ULK4: variants seen among roughly 807,000 people sequenced by gnomAD.
ULK4 encodes the protein unc-51 like kinase 4.
Under a neutral mutation model 160.6 loss-of-function variants are expected in ULK4, and 133 were observed. The observed-to-expected ratio is 0.83, with a 90% CI of 0.72 to 0.96. ULK4 has a LOEUF of 0.96. Ranked by LOEUF, ULK4 falls within the 40% of genes least tolerant of loss-of-function variation. The probability of loss-of-function intolerance (pLI) is 0.00; values close to 1 mark genes in which losing one functional copy is unlikely to be tolerated. For synonymous variants in ULK4, 534 were observed against 539.8 expected (o/e 0.99, Z 0.15); for missense variants, 1,580 against 1,499.5 (o/e 1.05, Z -0.89).
intron 18 of ULK4, among the ~76,000 whole-genome samples, chr3:41,828,655 C>G (rs1273911576): frequency 1.3e-5 from 2 of 150,512 alleles, no homozygotes; most frequent in East Asian, 1.9e-4. Flanking sequence ...AGGATACAAA[C>G]AAATGGAAGA....
In ULK4 at chr3:41,881,204, T is replaced by C. The variant is rs527798567; in HGVS notation, c.1656+2670A>G. ...CTTTATTTTTCTGGAGAGACTATAA[T>C]GGTTTTCATTCATCTTATTCATCTC... On this transcript the variant is annotated intron_variant, in intron 17 of 36. Transcript: ENST00000301831. 4.7e-5 allele frequency among the ~76,000 whole-genome samples: 7 copies of C among 150,516 alleles called. 1 individual carries two copies. The South Asian group carries it at 1.5e-3, about 31-fold the overall frequency.
chr3:41,479,282 T>A (rs923464015), intron 32 of ULK4, among the ~76,000 whole-genome samples: 1 of 152,238 alleles, frequency 6.6e-6, no homozygotes, highest in Non-Finnish European at 1.5e-5. Context: ...CATCACTCTT[T>A]CACTCACTGG....
intron 17 of ULK4, among the ~76,000 whole-genome samples, chr3:41,843,832 G>C (rs945487444): frequency 6.6e-6 from 1 of 152,076 alleles, no homozygotes; most frequent in Non-Finnish European, 1.5e-5. Context: ...TGGTAGAGCC[G>C]AGTGGTCTGT....
chr3:41,595,955 T>C (rs1031910192), intron 31 of ULK4, among the ~76,000 whole-genome samples: 4 of 152,264 alleles, frequency 2.6e-5, no homozygotes, highest in South Asian at 2.1e-4. Flanking sequence ...GTATCCCTAG[T>C]ATTTCCTAAC....
chr3:41,311,700 C>G lies in ULK4; in HGVS notation c.3679-62126G>C, dbSNP rs147691557. Reference sequence around the variant, plus strand: ...TCTCCTGCCTCAGCCTCCCAAATAGCTGGGACTACAGGCACGTGCCACTAG... The same window carrying G: ...TCTCCTGCCTCAGCCTCCCAAATAGGTGGGACTACAGGCACGTGCCACTAG... On this transcript the variant is annotated intron_variant, in intron 35 of 36. Transcript: ENST00000301831. Among the ~76,000 whole-genome samples the G allele has an allele frequency of 2.0e-3, 301 of 152,104 alleles. 3 individuals are homozygous for G. The highest frequency in any genetic ancestry group is 3.4e-3 in the Non-Finnish European group (232 of 68,010).
At chr3:41,596,314 A>C (rs2031688747) in intron 31 of ULK4, among the ~76,000 whole-genome samples, 1 of 152,190 alleles carries the variant, frequency 6.6e-6, no homozygotes, top group South Asian at 2.1e-4. Flanking sequence ...CAGTTGGTAT[A>C]ATTGTGTATT....
rs202160177 is a variant in ULK4 at position 41,909,080 on chromosome 3, A to C, written c.1086-1139T>G. On this transcript the variant is annotated intron_variant, in intron 11 of 36. Transcript: ENST00000301831. The stretch of plus-strand genomic sequence containing the variant: ...TGCACTCCAGCCTGGGTGACAAAGC[A>C]ACACTCCATCTCAAAAAAAAAAAAA... Among the ~76,000 whole-genome samples, 3 of 120,550 alleles carry C rather than the reference A, an allele frequency of 2.5e-5. No homozygotes were observed. In the East Asian group the frequency reaches 7.9e-4, roughly 32 times the overall value. 79.1% of individuals were successfully genotyped at this position (120,550 alleles called of 152,430 possible).
intron 30 of ULK4, among the ~76,000 whole-genome samples, chr3:41,654,179 T>C (rs2034847512): frequency 6.6e-6 from 1 of 152,214 alleles, no homozygotes; most frequent in Non-Finnish European, 1.5e-5. Flanking sequence ...ATAACATGTA[T>C]CTATTGCAAG....
intron 30 of ULK4, among the ~76,000 whole-genome samples, chr3:41,655,763 G>A (rs117587450): frequency 6.6e-6 from 1 of 152,256 alleles, no homozygotes; most frequent in East Asian, 1.9e-4. Flanking sequence ...TATTTTAGCT[G>A]TATAAATTCA....
chr3:41,264,327 C>T (rs2078993594), intron 35 of ULK4, among the ~76,000 whole-genome samples: 1 of 152,220 alleles, frequency 6.6e-6, no homozygotes, highest in Non-Finnish European at 1.5e-5. Flanking sequence ...AGCGCCAGAT[C>T]CCTAACCACG....
intron 27 of ULK4, among the ~76,000 whole-genome samples, chr3:41,682,183 G>GA (rs1018973815): frequency 2.0e-5 from 3 of 151,262 alleles, no homozygotes; most frequent in South Asian, 4.2e-4. Context: ...AAAATGTTGG[G>GA]AAAAAAAAGA....
chr3:41,438,093 A>G (rs1365996495), intron 34 of ULK4, among the ~76,000 whole-genome samples: 1 of 147,088 alleles, frequency 6.8e-6, no homozygotes, highest in African/African-American at 2.6e-5. Flanking sequence ...GTTTTTTAAA[A>G]TACATGTTTA....
intron 35 of ULK4, among the ~76,000 whole-genome samples, chr3:41,330,554 T>C (rs150727491): frequency 0.01 from 1,525 of 152,324 alleles, 19 homozygotes; most frequent in African/African-American, 0.035. Flanking sequence ...TAAGAAGCTG[T>C]ACATCACCCT....
intron 35 of ULK4, among the ~76,000 whole-genome samples, chr3:41,338,417 T>C (rs576851984): frequency 6.6e-6 from 1 of 152,324 alleles, no homozygotes; most frequent in Admixed American, 6.5e-5. Context: ...CAAACATTAA[T>C]TTCTGGATTA....
At chr3:41,316,535 T>C (rs1215595350) in intron 35 of ULK4, among the ~76,000 whole-genome samples, 1 of 152,188 alleles carries the variant, frequency 6.6e-6, no homozygotes, top group Non-Finnish European at 1.5e-5. Context: ...ATACCGCATG[T>C]TCGTACTTAT....
chr3:41,615,821 TCC>T, intron 30 of ULK4, 104 bp from the exon 31 acceptor site: 4 of 1,001,982 alleles, frequency 4.0e-6, no homozygotes, highest in Non-Finnish European at 5.9e-6. Context: ...TTGCTAAAAT[TCC>T]ATGATAAGAA....
intron 34 of ULK4, among the ~76,000 whole-genome samples, chr3:41,420,442 T>C (rs1210399898): frequency 1.3e-5 from 2 of 150,450 alleles, no homozygotes; most frequent in Non-Finnish European, 3.0e-5. Flanking sequence ...TTCACACTTC[T>C]GTGTAAGGGA....
chr3:41,369,719 G>A (rs1246693728), intron 35 of ULK4, among the ~76,000 whole-genome samples: 2 of 151,658 alleles, frequency 1.3e-5, no homozygotes, highest in African/African-American at 2.4e-5. Context: ...CCTTGAACTC[G>A]GGAGGCAGAG....
intron 32 of ULK4, among the ~76,000 whole-genome samples, chr3:41,515,813 G>A (rs962024100): frequency 6.6e-6 from 1 of 152,162 alleles, no homozygotes; most frequent in African/African-American, 2.4e-5. Flanking sequence ...TTTGGGTGAA[G>A]ACAGAGCCGA....
Sources: allele counts gnomAD v4.1 joint callset (sites outside exome capture counted in the v4.1 genomes callset), GRCh38; gene constraint gnomAD v4.1.1; transcripts MANE v1.5; gene names NCBI Gene and HGNC (gene_info 2026-07-23, HGNC 2026-07-21).